SBF2: variants seen among roughly 807,000 people sequenced by gnomAD.
SBF2 encodes myotubularin-related protein 13.
In SBF2, 112 loss-of-function variants were observed where a neutral mutation model predicts 225.2. The ratio of observed to expected loss-of-function variants is 0.50; its 90% confidence interval spans 0.43 to 0.58. The LOEUF is 0.58. Ranked by LOEUF, SBF2 falls within the 20% of genes least tolerant of loss-of-function variation. The pLI is 0.00. For synonymous variants in SBF2, 763 were observed against 773.3 expected, an observed-to-expected ratio of 0.99 and a Z score of 0.22; for missense variants, 1,996 against 2,206.2, an observed-to-expected ratio of 0.90 and a Z score of 1.91.
intron 16 of SBF2, among the ~76,000 whole-genome samples, chr11:9,898,398 C>T (rs540863597): frequency 2.6e-5 from 4 of 152,234 alleles, no homozygotes; most frequent in Admixed American, 6.5e-5. Context: ...AGGCTGGGCA[C>T]GGTGGTTCAC....
intron 1 of SBF2, among the ~76,000 whole-genome samples, chr11:10,221,585 A>G (rs183644489): frequency 6.6e-6 from 1 of 152,372 alleles, no homozygotes; most frequent in African/African-American, 2.4e-5. Flanking sequence ...CACAAAAAGT[A>G]ACAAGAGAGA....
intron 19 of SBF2, among the ~76,000 whole-genome samples, chr11:9,854,262 T>C (rs560717090): frequency 6.6e-6 from 1 of 152,354 alleles, no homozygotes; most frequent in East Asian, 1.9e-4. Flanking sequence ...CTGAGTTAAC[T>C]GCAACCCATT....
At chr11:9,853,475 A>T (rs771123963) in intron 20 of SBF2, 65 bp downstream of exon 20, 9 of 1,394,780 alleles carry the variant, frequency 6.5e-6, no homozygotes, top group Non-Finnish European at 9.2e-6. Context: ...ATGTATTGCC[A>T]GGTTTTATGC....
rs1565165888 is a variant in SBF2 at position 10,042,856 on chromosome 11, C to T, written c.267G>A (p.Glu89=). The stretch of plus-strand genomic sequence containing the variant: ...AAGGTTTTTGTACCTGAAGATTGAT[C>T]TCTGCCTCATAGAAGGTTAGGCATG... ...YCSCLTFYEA[E]INLQGTKKEE... is the part of the protein sequence containing the mutation. The change falls in exon 3 of 40, where the codon GAG becomes GAA. Residue 89 remains glutamate, a synonymous_variant. Transcript: ENST00000256190. 1 of 1,613,884 alleles carries T rather than the reference C, an allele frequency of 6.2e-7. No homozygotes were observed. The highest frequency in any genetic ancestry group is 1.3e-5 in the African/African-American group (1 of 74,916).
At chr11:10,139,254 A>T (rs1358377847) in intron 2 of SBF2, among the ~76,000 whole-genome samples, 1 of 152,226 alleles carries the variant, frequency 6.6e-6, no homozygotes, top group Non-Finnish European at 1.5e-5. Flanking sequence ...TCTATCATAT[A>T]CAAAGGATTG....
intron 16 of SBF2, among the ~76,000 whole-genome samples, chr11:9,934,073 CTG>C (rs1864703410): frequency 1.2e-5 from 1 of 81,410 alleles, no homozygotes; most frequent in South Asian, 3.7e-4. Flanking sequence ...CAGAGCGAGA[CTG>C]TCTCAAAAAT....
intron 2 of SBF2, among the ~76,000 whole-genome samples, chr11:10,137,240 G>A (rs1012685446): frequency 3.3e-5 from 5 of 151,986 alleles, no homozygotes; most frequent in East Asian, 1.9e-4. Context: ...GTTTTTGTAC[G>A]ATCTCATAAC....
At chr11:9,943,652 A>C (rs1378123766) in intron 16 of SBF2, among the ~76,000 whole-genome samples, 1 of 152,066 alleles carries the variant, frequency 6.6e-6, no homozygotes, top group African/African-American at 2.4e-5. Flanking sequence ...TCATCAGGGA[A>C]ATGCAAATGA....
At chr11:10,090,268 A>C (rs1951723596) in intron 2 of SBF2, among the ~76,000 whole-genome samples, 1 of 152,214 alleles carries the variant, frequency 6.6e-6, no homozygotes, top group African/African-American at 2.4e-5. Context: ...TGCTGATTGC[A>C]TAACAATGAG....
At chr11:9,832,516 A>C in intron 26 of SBF2, 96 bp from the exon 27 acceptor site, 1 of 855,090 alleles carries the variant, frequency 1.2e-6, no homozygotes, top group Non-Finnish European at 2.0e-6. Flanking sequence ...GACAGAGAAT[A>C]TAAGAAATTG....
At chr11:9,981,479 T>C (rs1028839134) in intron 13 of SBF2, among the ~76,000 whole-genome samples, 2 of 152,224 alleles carry the variant, frequency 1.3e-5, no homozygotes, top group Admixed American at 6.5e-5. Context: ...TAAAAAACGT[T>C]TGAAATCGGC....
chr11:10,064,400 G>A (rs1445266833), intron 2 of SBF2, among the ~76,000 whole-genome samples: 1 of 152,028 alleles, frequency 6.6e-6, no homozygotes, highest in Non-Finnish European at 1.5e-5. Flanking sequence ...AAAGAAGGCT[G>A]AAAAATAAAG....
chr11:10,225,951 C>A (rs756884961), intron 1 of SBF2, among the ~76,000 whole-genome samples: 8 of 152,104 alleles, frequency 5.3e-5, no homozygotes, highest in Non-Finnish European at 1.2e-4. Context: ...AATATTCATG[C>A]CTTTTAAACC....
rs765658939 is a variant in SBF2, at chr11:9,962,005, G to T, written c.1812C>A (p.Asp604Glu). Residue 604 changes from aspartate to glutamate, a missense_variant, in exon 16 of 40, where the codon GAC becomes GAA. Asp to Glu is a conservative substitution (Grantham distance 45, BLOSUM62 2). Transcript: ENST00000256190. ...LHVQQNRAIL[D>E]HQQFDYIIRM... ...TTATTATGTAGTCAAACTGTTGATGGTCTAATATTGCCCGGTTTTGCTGGA... is the reference window on the plus strand; with the variant it reads ...TTATTATGTAGTCAAACTGTTGATGTTCTAATATTGCCCGGTTTTGCTGGA... 1.4e-5 allele frequency: 22 copies of T among 1,613,992 alleles called. No individual in the cohort carries two copies. Among genetic ancestry groups the T allele is most frequent in the Non-Finnish European group, 1.8e-5 (21 of 1,179,894 alleles).
At position 9,970,132 on chromosome 11, in the gene SBF2, G is replaced by A. The variant is rs377359409; in HGVS notation, c.1396-1587C>T. ...ACCAATTCTAACACTTATTCTTTGC[G>A]ACCAGAAAATTCCTTATTCCCACTG... is the stretch of plus-strand genomic sequence containing the variant. On this transcript the variant is annotated intron_variant, in intron 13 of 39. Transcript: ENST00000256190. Among the ~76,000 whole-genome samples the A allele has an allele frequency of 3.3e-5, 5 of 151,938 alleles. No homozygotes were observed. The East Asian group carries it at 5.8e-4, about 18-fold the overall frequency.
At chr11:9,899,473 C>T (rs1861543252) in intron 16 of SBF2, among the ~76,000 whole-genome samples, 1 of 147,166 alleles carries the variant, frequency 6.8e-6, no homozygotes, top group African/African-American at 2.5e-5. Flanking sequence ...CGTGACACCC[C>T]AGCCTGGGTG....
intron 36 of SBF2, 89 bp downstream of exon 36, chr11:9,787,544 TG>T: frequency 9.3e-7 from 1 of 1,077,094 alleles, no homozygotes; most frequent in Non-Finnish European, 1.4e-6. Context: ...TAAACCCAGC[TG>T]GGTCTTGTCA....
intron 1 of SBF2, among the ~76,000 whole-genome samples, chr11:10,268,132 T>C (rs1179804109): frequency 6.6e-6 from 1 of 152,222 alleles, no homozygotes; most frequent in Non-Finnish European, 1.5e-5. Context: ...TTTCATACTA[T>C]TATTGTCCAA....
intron 1 of SBF2, among the ~76,000 whole-genome samples, chr11:10,206,649 G>A (rs12279871): frequency 0.2 from 30,578 of 151,806 alleles, 3,335 homozygotes; most frequent in East Asian, 0.28. Flanking sequence ...ACAGAAATAC[G>A]TTATAAATCA....
Sources: allele counts gnomAD v4.1 joint callset (sites outside exome capture counted in the v4.1 genomes callset), GRCh38; gene constraint gnomAD v4.1.1; transcripts MANE v1.5; gene names NCBI Gene and HGNC (gene_info 2026-07-23, HGNC 2026-07-21).